ZAN: variants seen among roughly 807,000 people sequenced by gnomAD.
The protein encoded by ZAN is zonadhesin.
In ZAN, 260 loss-of-function variants were observed where a neutral mutation model predicts 286.2. That is an observed-to-expected ratio of 0.91 (90% CI 0.82 to 1.01). The LOEUF (loss-of-function observed/expected upper bound fraction) is 1.01. Ranked by LOEUF, ZAN falls within the 50% of genes least tolerant of loss-of-function variation. The pLI, the probability that ZAN is intolerant of heterozygous loss-of-function variation, is 0.00. For missense variants in ZAN, 3,410 were observed against 3,639.2 expected (o/e 0.94, Z 1.62); for synonymous variants, 1,368 against 1,417.5 (o/e 0.97, Z 0.79).
chr7:100,791,859 C>T, intron 40 of ZAN, 107 bp from the exon 41 acceptor site: 1 of 1,356,422 alleles, frequency 7.4e-7, no homozygotes, highest in African/African-American at 1.5e-5. Context: ...TCCCGGGTAG[C>T]TGGGACTCCA....
rs1164596076 is a variant in ZAN at position 100,794,177 on chromosome 7, C to T, written c.8044C>T (p.Arg2682Trp). 61 of 1,613,998 alleles carry T rather than the reference C, an allele frequency of 3.8e-5. No homozygotes were observed. The highest frequency in any genetic ancestry group is 6.7e-5 in the East Asian group (3 of 44,884). ...TCAGCGGTGCACCTGTGCCAGCTCA[C>T]GGATCCTGCTGTGTGAGCCCTTCAG... Reference protein sequence around the residue: ...CSQRCTCASSRILLCEPFSCR... With the variant: ...CSQRCTCASSWILLCEPFSCR... The change falls in exon 44 of 48, where the codon CGG (arginine) becomes TGG (tryptophan). Residue 2682 changes from arginine (R) to tryptophan (W), a missense_variant. Around this residue, in one of 7 missense-constraint regions of ZAN, gnomAD observed 1,289 missense variants for 1,314.3 expected, o/e 0.98. Transcript: ENST00000613979.
chr7:100,775,927 C>A, intron 33 of ZAN, 94 bp downstream of exon 33: 1 of 1,484,686 alleles, frequency 6.7e-7, no homozygotes, highest in South Asian at 1.3e-5. Context: ...ATCGTGCCTG[C>A]CCAAAGAGGC....
chr7:100,747,775 C>T (rs1808334293), intron 9 of ZAN, 134 bp downstream of exon 9: 3 of 888,304 alleles, frequency 3.4e-6, no homozygotes, highest in Admixed American at 4.2e-5. Context: ...AGGATCGCTT[C>T]AGGACAGGAG....
At chr7:100,795,496 TG>T (rs1157256480) in intron 45 of ZAN, among the ~76,000 whole-genome samples, 160 bp downstream of exon 45, 1 of 149,518 alleles carries the variant, frequency 6.7e-6, no homozygotes, top group Non-Finnish European at 1.5e-5. Flanking sequence ...GTAGCTATAA[TG>T]GATATTAATA....
chr7:100,761,887 C>T lies in ZAN; in HGVS notation c.3843-328C>T, dbSNP rs543656891. Among the ~76,000 whole-genome samples, 79 of 151,504 alleles carry T rather than the reference C, an allele frequency of 5.2e-4. No individual in the cohort carries two copies. The South Asian group carries it at 6.9e-3, about 13-fold the overall frequency. ...CCGGGAGGTGGAGGTTGCAGTGAGC[C>T]GAGGTTGCACCACTGCCCTCTAGCC... On this transcript the variant is annotated intron_variant, in intron 19 of 47. Transcript: ENST00000613979.
chr7:100,733,989 GA>G, intron 1 of ZAN, 37 bp from the exon 2 acceptor site: 1 of 441,968 alleles, frequency 2.3e-6, no homozygotes, highest in Non-Finnish European at 4.3e-6. Context: ...GCTTCTACTG[GA>G]TGGTAACTTT....
intron 7 of ZAN, among the ~76,000 whole-genome samples, chr7:100,742,609 A>C: frequency 1.4e-5 from 1 of 69,452 alleles, no homozygotes; most frequent in African/African-American, 6.0e-5. Flanking sequence ...CTCCGTCTGC[A>C]ATCCCGGCAC....
chr7:100,760,489 G>A lies in ZAN; in HGVS notation c.3795G>A (p.Leu1265=). Residue 1265 remains leucine (L), a synonymous_variant, in exon 19 of 48, where the codon TTG becomes TTA. Transcript: ENST00000613979. Reference sequence around the variant, plus strand: ...TGGAGCTGCAGACGGAGTTCGGTTTGCGGGTGAGATGGGATGGTGACCAGC... The same window carrying A: ...TGGAGCTGCAGACGGAGTTCGGTTTACGGGTGAGATGGGATGGTGACCAGC... ...RFVELQTEFG[L]RVRWDGDQQL... 1 of 1,613,962 alleles carries A rather than the reference G, an allele frequency of 6.2e-7. No individual in the cohort carries two copies. Among genetic ancestry groups the A allele is most frequent in the Non-Finnish European group, 8.5e-7 (1 of 1,179,876 alleles).
intron 7 of ZAN, among the ~76,000 whole-genome samples, chr7:100,739,523 T>C (rs936406233): frequency 7.5e-6 from 1 of 133,950 alleles, no homozygotes; most frequent in Non-Finnish European, 1.7e-5. Context: ...CCAAGTGCAC[T>C]GGCTCACGCC....
chr7:100,779,606 A>G lies in ZAN; in HGVS notation c.6478A>G (p.Thr2160Ala). 2 of 1,606,724 alleles carry G rather than the reference A, an allele frequency of 1.2e-6. No homozygotes were observed. Residue 2160 changes from threonine to alanine, a missense_variant, in exon 35 of 48, where the codon ACG becomes GCG. Coordinates refer to ENST00000613979, the MANE Select transcript of ZAN (RefSeq NM_003386.3). ...WAQCASRIDL[T>A]PFLVDCANTL... ...CCAGTGCGCCTCCCGCATAGACCTCACGCCCTTCCTGGTGGACTGTGCAAA... is the reference window on the plus strand; with the variant it reads ...CCAGTGCGCCTCCCGCATAGACCTCGCGCCCTTCCTGGTGGACTGTGCAAA...
intron 42 of ZAN, 28 bp from the exon 43 acceptor site, chr7:100,793,792 C>T: frequency 1.3e-6 from 2 of 1,555,014 alleles, no homozygotes; most frequent in Non-Finnish European, 1.7e-6. Flanking sequence ...CAGCCCCAGC[C>T]AGTTTCTGAC....
At chr7:100,737,522 C>T (rs1399748536) in intron 6 of ZAN, among the ~76,000 whole-genome samples, 173 bp downstream of exon 6, 1 of 138,508 alleles carries the variant, frequency 7.2e-6, no homozygotes, top group Non-Finnish European at 1.6e-5. Flanking sequence ...CTGGTTAACA[C>T]GGTGAAGCCC....
At position 100,759,774 on chromosome 7, in the gene ZAN, TC is replaced by T; in HGVS notation, c.3627del (p.Cys1210AlafsTer2). ...TGAGGAGCAGGGACAGGAAGGCGTG[TC>T]CTGCCTGAGCAAAGTCTACGTGACC... ...KNEEQGQEGV[S>X]CLSKVYVTLP... On this transcript the variant is annotated frameshift_variant, in exon 18 of 48. Transcript: ENST00000613979. LOFTEE classifies it high-confidence loss of function. The T allele has an allele frequency of 6.2e-7, 1 of 1,603,606 alleles. No individual in the cohort carries two copies.
chr7:100,760,469 C>G lies in ZAN; in HGVS notation c.3775C>G (p.Leu1259Val). The G allele has an allele frequency of 6.2e-7, 1 of 1,613,982 alleles. No homozygotes were observed. The highest frequency in any genetic ancestry group is 8.5e-7 in the Non-Finnish European group (1 of 1,179,886). Residue 1259 changes from leucine to valine, a missense_variant, in exon 19 of 48, where the codon CTG becomes GTG. This residue lies in a region of ZAN where 1,042 missense variants were observed against 1,058.0 expected (regional missense o/e 0.98). Coordinates refer to ENST00000613979, the MANE Select transcript of ZAN (RefSeq NM_003386.3). The part of the protein sequence containing the change: ...FLGASGRFVE[L>V]QTEFGLRVRW... ...GGGTGCAAGCGGGCGGTTTGTGGAGCTGCAGACGGAGTTCGGTTTGCGGGT... is the reference window on the plus strand; with the variant it reads ...GGGTGCAAGCGGGCGGTTTGTGGAGGTGCAGACGGAGTTCGGTTTGCGGGT...
At chr7:100,793,703 G>A in intron 42 of ZAN, 117 bp from the exon 43 acceptor site, 1 of 1,111,534 alleles carries the variant, frequency 9.0e-7, no homozygotes, top group East Asian at 2.5e-5. Context: ...CTCCCAAAGT[G>A]CTGGGATTTC....
rs200060641 is a variant in ZAN, at chr7:100,750,766, T to A, written c.1391T>A (p.Met464Lys). The A allele has an allele frequency of 1.9e-6, 3 of 1,613,110 alleles. No homozygotes were observed. Among genetic ancestry groups the A allele is most frequent in the Non-Finnish European group, 2.5e-6 (3 of 1,179,602 alleles). The part of the protein sequence containing the change: ...YHMYGLGEGT[M>K]LELLLGSPAG... The stretch of plus-strand genomic sequence containing the variant: ...ATGTATGGCCTTGGGGAGGGTACTA[T>A]GCTCGAACTCCTCCTGGGAAGTCCT... The change falls in exon 12 of 48, where the codon ATG becomes AAG. Residue 464 changes from methionine to lysine, a missense_variant. Physicochemically the swap from Met to Lys is moderately conservative, Grantham distance 95. This residue lies in a region of ZAN where 872 missense variants were observed against 938.9 expected (regional missense o/e 0.93). Transcript: ENST00000613979.
At position 100,736,961 on chromosome 7, in the gene ZAN, C is replaced by T. The variant is rs1438525435; in HGVS notation, c.406C>T (p.Leu136=). The T allele has an allele frequency of 6.6e-7, 1 of 1,504,386 alleles. No individual in the cohort carries two copies. Among genetic ancestry groups the T allele is most frequent in the Non-Finnish European group, 9.1e-7 (1 of 1,098,604 alleles). The allele number at this position is 1,504,386 out of a possible 1,614,324, so 93.2% of individuals were successfully genotyped here. A position where few individuals can be genotyped will look rare whatever the true frequency, so the allele number is the denominator to read the frequency against. ...TTGGGGCGCCCAGCTCAGGCTGCTG[C>T]TGCTCTCGGGTGAAGAGGGCCGCCG... ...LSWGAQLRLL[L]LSGEEGRRPD... is the part of the protein sequence containing the mutation. The change falls in exon 5 of 48, where the codon CTG becomes TTG. Residue 136 remains leucine, a synonymous_variant. Coordinates refer to ENST00000613979, the MANE Select transcript of ZAN (RefSeq NM_003386.3).
chr7:100,746,566 G>C lies in ZAN; in HGVS notation c.795G>C (p.Lys265Asn), dbSNP rs1380405877. Reference protein sequence around the residue: ...GSGCYMLLDPKNARPGQKAVL... With the variant: ...GSGCYMLLDPNNARPGQKAVL... ...GCTGCTACATGCTCCTGGACCCCAA[G>C]AATGCAAGACCTGGGCAGAAAGCTG... is the stretch of plus-strand genomic sequence containing the variant. The change falls in exon 8 of 48, where the codon AAG becomes AAC. Residue 265 changes from lysine to asparagine, a missense_variant. Coordinates refer to ENST00000613979, the MANE Select transcript of ZAN (RefSeq NM_003386.3). The C allele has an allele frequency of 1.9e-6, 3 of 1,613,964 alleles. 1 individual carries two copies. In the South Asian group the frequency reaches 3.3e-5, roughly 18 times the overall value.
In ZAN at chr7:100,795,096, G is replaced by T. The variant is rs1053428443; in HGVS notation, c.8126-100G>T. The T allele has an allele frequency of 2.8e-6, 4 of 1,438,636 alleles. No individual in the cohort carries two copies. The African/African-American group carries it at 4.4e-5, about 16-fold the overall frequency. The allele number at this position is 1,438,636 out of a possible 1,614,324, so 89.1% of individuals were successfully genotyped here. ...GACCCCTGGCCAGTCTCTGGCAGCC[G>T]CTGCTTTCTCCCCGGGCGTCCCAGC... On this transcript the variant is annotated intron_variant, in intron 44 of 47. Coordinates refer to ENST00000613979, the MANE Select transcript of ZAN (RefSeq NM_003386.3).
Sources: gnomAD v4.1 joint callset for allele counts (sites outside exome capture counted in the v4.1 genomes callset) on GRCh38, gnomAD v4.1.1 for gene constraint, gnomAD v4.1.1 regional missense constraint, MANE v1.5 for transcripts, NCBI Gene and HGNC (gene_info 2026-07-23, HGNC 2026-07-21) for gene names.